Variants in ANKLE2 observed in about 807,000 individuals in gnomAD.
The protein encoded by ANKLE2 is ankyrin repeat and LEM domain-containing protein 2.
A neutral mutation model predicts 84.2 loss-of-function variants in ANKLE2; 55 were observed. That is an observed-to-expected ratio of 0.65 (90% confidence interval 0.53 to 0.82). The LOEUF is 0.82. Ranked by LOEUF, ANKLE2 falls within the 40% of genes least tolerant of loss-of-function variation. The probability of loss-of-function intolerance (pLI) is 0.00; values close to 1 mark genes in which losing one functional copy is unlikely to be tolerated. For missense variants in ANKLE2, 1,238 were observed against 1,201.9 expected (o/e 1.03, Z -0.44); for synonymous variants, 551 against 486.1 (o/e 1.13, Z -1.76).
In ANKLE2 at chr12:132,748,125, C is replaced by T. The variant is rs780061995; in HGVS notation, c.1041+13G>A. On this transcript the variant is annotated intron_variant, in intron 4 of 12. Transcript: ENST00000357997. ...GGACCGCACACCTGCCCGAGGGAAC[C>T]GCCGAGACCTACCTGCACGATAGTG... 1.5e-5 allele frequency: 24 copies of T among 1,610,630 alleles called. No homozygotes were observed. The highest frequency in any genetic ancestry group is 2.7e-5 in the African/African-American group (2 of 74,836).
intron 5 of ANKLE2, among the ~76,000 whole-genome samples, chr12:132,746,866 A>G (rs1008840638): frequency 6.6e-6 from 1 of 152,130 alleles, no homozygotes; most frequent in African/African-American, 2.4e-5. Context: ...GCTCCATCCC[A>G]GTGTATAAAA....
intron 10 of ANKLE2, chr12:132,731,067 G>A (rs1307498960): frequency 1.3e-5 from 2 of 152,244 alleles, no homozygotes; most frequent in South Asian, 2.1e-4. Flanking sequence ...AAGAGCTCCC[G>A]GGCGCAGCAC....
At chr12:132,730,404 G>A (rs116288646) in intron 10 of ANKLE2, 134 bp from the exon 11 acceptor site, 6 of 186,762 alleles carry the variant, frequency 3.2e-5, no homozygotes, top group African/African-American at 2.7e-4. Flanking sequence ...CACTCCATCC[G>A]CGACCAACTG....
chr12:132,749,217 G>T (rs1225437352), intron 3 of ANKLE2, among the ~76,000 whole-genome samples: 3 of 152,202 alleles, frequency 2.0e-5, no homozygotes. Flanking sequence ...GTGCAGTGGC[G>T]CGATCTCAGC....
intron 10 of ANKLE2, among the ~76,000 whole-genome samples, chr12:132,733,845 T>C (rs1305796772): frequency 2.0e-5 from 3 of 152,094 alleles, no homozygotes; most frequent in Non-Finnish European, 4.4e-5. Flanking sequence ...CCAATGGAGT[T>C]CAGCTATTAT....
At chr12:132,747,693 C>T in intron 5 of ANKLE2, 139 bp downstream of exon 5, 2 of 1,077,086 alleles carry the variant, frequency 1.9e-6, no homozygotes, top group Admixed American at 3.3e-5. Flanking sequence ...GGTAAGAAGG[C>T]AGGTTGCAGG....
At position 132,748,126 on chromosome 12, in the gene ANKLE2, G is replaced by T. The variant is rs773972936; in HGVS notation, c.1041+12C>A. 1 of 1,610,566 alleles carries T rather than the reference G, an allele frequency of 6.2e-7. No individual in the cohort carries two copies. Among genetic ancestry groups the T allele is most frequent in the Non-Finnish European group, 8.5e-7 (1 of 1,177,778 alleles). On this transcript the variant is annotated intron_variant, in intron 4 of 12. Coordinates refer to ENST00000357997, the MANE Select transcript of ANKLE2 (RefSeq NM_015114.3). ...GACCGCACACCTGCCCGAGGGAACC[G>T]CCGAGACCTACCTGCACGATAGTGG...
At position 132,737,182 on chromosome 12, in the gene ANKLE2, A is replaced by T. The variant is rs2044029956; in HGVS notation, c.1421-117T>A. ...CAAGGCCTCTGCAAATGGATCCAAC[A>T]GACGGGGCAGAGGGTGGTTTCCGCC... On this transcript the variant is annotated intron_variant, in intron 7 of 12. Transcript: ENST00000357997. The T allele has an allele frequency of 8.1e-6, 9 of 1,114,326 alleles. No individual in the cohort carries two copies. The South Asian group carries it at 1.3e-4, about 17-fold the overall frequency. The allele number at this position is 1,114,326 out of a possible 1,614,324, so 69.0% of individuals were successfully genotyped here. A position where few individuals can be genotyped will look rare whatever the true frequency, so the allele number is the denominator to read the frequency against.
chr12:132,729,075 G>A (rs551579409), intron 11 of ANKLE2, among the ~76,000 whole-genome samples: 22 of 152,028 alleles, frequency 1.4e-4, no homozygotes, highest in South Asian at 1.0e-3. Flanking sequence ...TGTGGAGGCC[G>A]GGTGCGGTGG....
intron 2 of ANKLE2, chr12:132,751,052 T>C: frequency 1.8e-6 from 1 of 570,318 alleles, no homozygotes; most frequent in South Asian, 2.3e-5. Flanking sequence ...TATATGCATG[T>C]AACATGATAT....
At chr12:132,734,048 CA>C (rs1206197638) in intron 10 of ANKLE2, 1 of 466,764 alleles carries the variant, frequency 2.1e-6, no homozygotes, top group East Asian at 6.5e-5. Flanking sequence ...CCAGCCTGGT[CA>C]ATACGGTGAA....
In ANKLE2 at chr12:132,737,015, T is replaced by C. The variant is rs546723852; in HGVS notation, c.1471A>G (p.Ile491Val). Residue 491 changes from isoleucine (I) to valine (V), a missense_variant, in exon 8 of 13, where the codon ATC becomes GTC. Ile to Val is a conservative substitution (Grantham distance 29). Around this residue, in one of 3 missense-constraint regions of ANKLE2, gnomAD observed 802 missense variants for 774.5 expected, o/e 1.04. Coordinates refer to ENST00000357997, the MANE Select transcript of ANKLE2 (RefSeq NM_015114.3). ...TGGTCTGGGGACCACAGCTCCCCGA[T>C]GACTGGAGAAGAAGTCTCTTCCGCT... ...LRAEETSSPV[I>V]GELWSPDQTA... is the part of the protein sequence containing the mutation. 1.2e-6 allele frequency: 2 copies of C among 1,612,918 alleles called. No homozygotes were observed. Among genetic ancestry groups the C allele is most frequent in the Admixed American group, 1.7e-5 (1 of 59,968 alleles).
chr12:132,743,234 C>T lies in ANKLE2; in HGVS notation c.1273G>A (p.Ala425Thr). The change falls in exon 6 of 13, where the codon GCA (alanine) becomes ACA (threonine). Residue 425 changes from alanine to threonine, a missense_variant. This residue lies in a region of ANKLE2 where 802 missense variants were observed against 774.5 expected (regional missense o/e 1.04). Coordinates refer to ENST00000357997, the MANE Select transcript of ANKLE2 (RefSeq NM_015114.3). The surrounding 1 kb of genome is among the most constrained non-coding windows in gnomAD (Gnocchi z 4.1). ...PLHFACKFGNADVVNVLSSHH... is the reference protein window; with the variant it reads ...PLHFACKFGNTDVVNVLSSHH... Reference sequence around the variant, plus strand: ...GACGAAAGCACGTTGACTACATCTGCATTTCCAAACTTACAAGCAAAATGC... The same window carrying T: ...GACGAAAGCACGTTGACTACATCTGTATTTCCAAACTTACAAGCAAAATGC... 1.9e-6 allele frequency: 3 copies of T among 1,611,742 alleles called. No homozygotes were observed. The highest frequency in any genetic ancestry group is 2.5e-6 in the Non-Finnish European group (3 of 1,178,950).
chr12:132,751,425 G>C (rs914103982), intron 2 of ANKLE2: 7 of 152,546 alleles, frequency 4.6e-5, no homozygotes, highest in African/African-American at 1.7e-4. Flanking sequence ...ATTTTTAGTA[G>C]AGACGGGGTT....
chr12:132,741,827 T>C (rs565004949), intron 6 of ANKLE2: 14 of 478,260 alleles, frequency 2.9e-5, no homozygotes, highest in South Asian at 2.0e-4. Flanking sequence ...TTGGTTGAGT[T>C]CCACTTACAG....
chr12:132,734,114 G>T, intron 10 of ANKLE2: 1 of 552,682 alleles, frequency 1.8e-6, no homozygotes, highest in Non-Finnish European at 3.4e-6. Context: ...GCGTGGTGGC[G>T]GGCGCCTGTA....
intron 8 of ANKLE2, among the ~76,000 whole-genome samples, chr12:132,736,470 G>A (rs906658212): frequency 6.6e-6 from 1 of 152,242 alleles, no homozygotes; most frequent in Non-Finnish European, 1.5e-5. Context: ...TGTCTGAGAG[G>A]AAGCCAGCGG....
intron 10 of ANKLE2, chr12:132,731,219 CAT>C (rs1467596776): frequency 6.6e-6 from 1 of 152,218 alleles, no homozygotes; most frequent in African/African-American, 2.4e-5. Context: ...TTAAAATGTA[CAT>C]AGTCACAAGA....
intron 7 of ANKLE2, chr12:132,737,805 G>A (rs1219097710): frequency 6.6e-6 from 1 of 152,122 alleles, no homozygotes; most frequent in African/African-American, 2.4e-5. Context: ...ACCCAGGCTG[G>A]AGTGCTGTGG....
Sources: allele counts gnomAD v4.1 joint callset (sites outside exome capture counted in the v4.1 genomes callset), GRCh38; gene constraint gnomAD v4.1.1; regional missense constraint gnomAD v4.1.1; non-coding constraint Gnocchi (gnomAD v3.1); transcripts MANE v1.5; gene names NCBI Gene and HGNC (gene_info 2026-07-23, HGNC 2026-07-21).